ZSCAN18: variants seen among roughly 807,000 people sequenced by gnomAD.
ZSCAN18 encodes zinc finger and SCAN domain-containing protein 18.
ZSCAN18 carries 16 observed loss-of-function variants against 31.1 expected under a neutral mutation model. That is an observed-to-expected ratio of 0.51 (90% CI 0.35 to 0.78). The LOEUF is 0.78. Among genes scored for constraint, ZSCAN18 ranks in the 30% least tolerant of loss-of-function variants. The pLI is 0.01. For synonymous variants in ZSCAN18, 375 were observed against 320.7 expected (o/e 1.17, Z -1.81); for missense variants, 731 against 697.4 (o/e 1.05, Z -0.54).
intron 1 of ZSCAN18, chr19:58,097,812 C>G: frequency 8.1e-6 from 2 of 248,034 alleles, no homozygotes; most frequent in Non-Finnish European, 1.2e-5. Flanking sequence ...AGGAGCCTCC[C>G]CCTCCCTCAT....
chr19:58,085,713 G>A, intron 6 of ZSCAN18: 1 of 408,368 alleles, frequency 2.4e-6, no homozygotes, highest in Non-Finnish European at 4.4e-6. Context: ...CACGATGCAA[G>A]GAGAGCCTGC....
At chr19:58,086,827 TG>T (rs2074289974) in intron 5 of ZSCAN18, 78 bp downstream of exon 5, 1 of 1,096,454 alleles carries the variant, frequency 9.1e-7, no homozygotes. Flanking sequence ...CCAAAGTCCC[TG>T]GGGTCACAGT....
At chr19:58,116,964 C>G (rs938427499) in intron 1 of ZSCAN18, among the ~76,000 whole-genome samples, 1 of 152,086 alleles carries the variant, frequency 6.6e-6, no homozygotes, top group Non-Finnish European at 1.5e-5. Flanking sequence ...CTTGGCTCAC[C>G]GCAACTTCCG....
chr19:58,115,973 G>A (rs553447057), intron 1 of ZSCAN18, among the ~76,000 whole-genome samples: 2 of 151,866 alleles, frequency 1.3e-5, no homozygotes, highest in Admixed American at 1.3e-4. Context: ...CAACAGGAAA[G>A]GCAAGACAAA....
In ZSCAN18 at chr19:58,085,337, T is replaced by G. The variant is rs758549840; in HGVS notation, c.881A>C (p.Glu294Ala). Reference sequence around the variant, plus strand: ...AGGCAGCACCCCCGCGGGGGCGGCCTCCTCGCAGGCGCACCCAGCGCTCTC... The same window carrying G: ...AGGCAGCACCCCCGCGGGGGCGGCCGCCTCGCAGGCGCACCCAGCGCTCTC... The part of the protein sequence containing the change: ...RQESAGCACE[E>A]AAPAGVLPEL... The change falls in exon 7 of 7, where the codon GAG (glutamate) becomes GCG (alanine). Residue 294 changes from glutamate to alanine, a missense_variant. Physicochemically the swap from Glu to Ala is moderately radical, Grantham distance 107. This residue lies in a region of ZSCAN18 where 597 missense variants were observed against 499.5 expected (regional missense o/e 1.20). Transcript: ENST00000601144. The G allele has an allele frequency of 1.8e-4, 287 of 1,593,634 alleles. No individual in the cohort carries two copies. Among genetic ancestry groups the G allele is most frequent in the Non-Finnish European group, 2.4e-4 (280 of 1,177,732 alleles).
chr19:58,090,241 G>A lies in ZSCAN18; in HGVS notation c.27C>T (p.Ala9=). 8.7e-6 allele frequency: 14 copies of A among 1,613,526 alleles called. No individual in the cohort carries two copies. Among genetic ancestry groups the A allele is most frequent in the Non-Finnish European group, 1.2e-5 (14 of 1,180,040 alleles). Residue 9 remains alanine, a synonymous_variant, in exon 2 of 7, where the codon GCC becomes GCT. Transcript: ENST00000601144. The surrounding 1 kb of genome is among the most constrained non-coding windows in gnomAD (Gnocchi z 4.7). Reference sequence around the variant, plus strand: ...GCGGGGCTGGGGAGCTCCTGGGGGAGGCAAACGCCTTCTCCAAAGGCAACA... The same window carrying A: ...GCGGGGCTGGGGAGCTCCTGGGGGAAGCAAACGCCTTCTCCAAAGGCAACA... The part of the protein sequence containing the change: MLPLEKAF[A]SPRSSPAPPD...
At chr19:58,096,425 G>C (rs2074521769) in intron 1 of ZSCAN18, among the ~76,000 whole-genome samples, 1 of 152,196 alleles carries the variant, frequency 6.6e-6, no homozygotes, top group South Asian at 2.1e-4. Flanking sequence ...CACAAGTCTT[G>C]AGCCAGTCCT....
chr19:58,098,772 A>C (rs1164923496), upstream of ZSCAN18, among the ~76,000 whole-genome samples: 1 of 152,252 alleles, frequency 6.6e-6, no homozygotes, highest in Non-Finnish European at 1.5e-5. Flanking sequence ...CTCGAGGCTG[A>C]GACAGATCTG....
Position 58,085,197 on chromosome 19 carries a change from C to T in ZSCAN18, c.1021G>A (p.Ala341Thr), listed in dbSNP as rs1568626873. Residue 341 changes from alanine (A) to threonine (T), a missense_variant, in exon 7 of 7, where the codon GCG becomes ACG. By Grantham distance (58) the Ala-to-Thr change is moderately conservative. Coordinates refer to ENST00000601144, the MANE Select transcript of ZSCAN18 (RefSeq NM_001145543.2). ...GATCCGGTGGCAGAGTCGGACTCCGCGTCCTGGGGGTCCTGCGGGTCCGGG... is the reference window on the plus strand; with the variant it reads ...GATCCGGTGGCAGAGTCGGACTCCGTGTCCTGGGGGTCCTGCGGGTCCGGG... ...KAPDPQDPQD[A>T]ESDSATGSQR... 1.2e-6 allele frequency: 2 copies of T among 1,609,908 alleles called. No homozygotes were observed. The highest frequency in any genetic ancestry group is 1.3e-5 in the African/African-American group (1 of 75,006).
intron 4 of ZSCAN18, 100 bp from the exon 5 acceptor site, chr19:58,087,108 GC>G: frequency 1.8e-6 from 2 of 1,123,646 alleles, no homozygotes; most frequent in Non-Finnish European, 2.6e-6. Context: ...GCCAGCCCTG[GC>G]CAGGGACTCT....
chr19:58,100,116 A>C (rs1285417951), upstream of ZSCAN18, among the ~76,000 whole-genome samples: 1 of 147,592 alleles, frequency 6.8e-6, no homozygotes, highest in Non-Finnish European at 1.5e-5. Context: ...GCGCTACCAT[A>C]CCCAGCTAAT....
chr19:58,084,510 C>A lies in ZSCAN18; in HGVS notation c.*175G>T. ...GTGTGTTTACAGAGGTGAGGGCTTCCCGTGGACCCTTCTCGTTGGGAGCGC... is the reference window on the plus strand; with the variant it reads ...GTGTGTTTACAGAGGTGAGGGCTTCACGTGGACCCTTCTCGTTGGGAGCGC... On this transcript the variant is annotated 3_prime_UTR_variant, in exon 7 of 7. Transcript: ENST00000601144. This position sits in a 1 kb window ranked among gnomAD's most constrained non-coding sequence, Gnocchi z 4.5. 1 of 620,918 alleles carries A rather than the reference C, an allele frequency of 1.6e-6. No homozygotes were observed. The highest frequency in any genetic ancestry group is 2.6e-6 in the Non-Finnish European group (1 of 389,380). The allele number at this position is 620,918 out of a possible 1,614,324, so 38.5% of individuals were successfully genotyped here. A position where few individuals can be genotyped will look rare whatever the true frequency, so the allele number is the denominator to read the frequency against.
intron 1 of ZSCAN18, chr19:58,108,053 T>C: frequency 1.0e-6 from 1 of 1,004,666 alleles, no homozygotes; most frequent in Non-Finnish European, 1.2e-6. Flanking sequence ...ATGAGGTACA[T>C]AATCTCAGTG....
chr19:58,108,054 A>C (rs559944613), intron 1 of ZSCAN18: 2 of 1,002,960 alleles, frequency 2.0e-6, no homozygotes, highest in Non-Finnish European at 1.2e-6. Flanking sequence ...TGAGGTACAT[A>C]ATCTCAGTGA....
upstream of ZSCAN18, among the ~76,000 whole-genome samples, chr19:58,101,132 T>C (rs2074589872): frequency 6.9e-6 from 1 of 145,762 alleles, no homozygotes; most frequent in Non-Finnish European, 1.5e-5. Context: ...CCACTTTTTT[T>C]TTTTTTTTTT....
chr19:58,102,275 G>A (rs1434469671), upstream of ZSCAN18, among the ~76,000 whole-genome samples: 5 of 152,012 alleles, frequency 3.3e-5, no homozygotes, highest in South Asian at 2.1e-4. Context: ...TGGCTAACAC[G>A]GTGAAACCCT....
At chr19:58,107,316 G>T (rs1204988621) in intron 1 of ZSCAN18, among the ~76,000 whole-genome samples, 23 of 151,908 alleles carry the variant, frequency 1.5e-4, no homozygotes. Context: ...ATCACTTTTG[G>T]GAGGCCAAGG....
chr19:58,095,106 T>G (rs1458453298), intron 1 of ZSCAN18, among the ~76,000 whole-genome samples: 8 of 152,148 alleles, frequency 5.3e-5, no homozygotes, highest in Non-Finnish European at 8.8e-5. Flanking sequence ...GTGGGTACGC[T>G]AACCCCTGTT....
In ZSCAN18 at chr19:58,084,683, G is replaced by T; in HGVS notation, c.*2C>A. On this transcript the variant is annotated 3_prime_UTR_variant, in exon 7 of 7. Transcript: ENST00000601144. The surrounding 1 kb of genome is among the most constrained non-coding windows in gnomAD (Gnocchi z 4.5). Reference sequence around the variant, plus strand: ...CCCTCCGGAACGGGACAGCACAGCGGCTCACCTCTGCGCCTCTGGGGGTGC... The same window carrying T: ...CCCTCCGGAACGGGACAGCACAGCGTCTCACCTCTGCGCCTCTGGGGGTGC... 6.7e-7 allele frequency: 1 copy of T among 1,488,444 alleles called. No individual in the cohort carries two copies. Among genetic ancestry groups the T allele is most frequent in the Non-Finnish European group, 8.9e-7 (1 of 1,129,334 alleles). The allele number at this position is 1,488,444 out of a possible 1,614,324, so 92.2% of individuals were successfully genotyped here. A position where few individuals can be genotyped will look rare whatever the true frequency, so the allele number is the denominator to read the frequency against.
Sources: gnomAD v4.1 joint callset for allele counts (sites outside exome capture counted in the v4.1 genomes callset) on GRCh38, gnomAD v4.1.1 for gene constraint, gnomAD v4.1.1 regional missense constraint, Gnocchi (gnomAD v3.1) non-coding constraint, MANE v1.5 for transcripts, NCBI Gene and HGNC (gene_info 2026-07-23, HGNC 2026-07-21) for gene names.